TENM4: variants seen among roughly 807,000 people sequenced by gnomAD.
TENM4 encodes teneurin-4.
In TENM4, 82 loss-of-function variants were observed where a neutral mutation model predicts 243.3. The ratio of observed to expected loss-of-function variants is 0.34; its 90% CI spans 0.28 to 0.40. The LOEUF is 0.40. Ranked by LOEUF, TENM4 falls within the 10% of genes least tolerant of loss-of-function variation. The pLI is 1.00. For synonymous variants in TENM4, 1,412 were observed against 1,456.3 expected, an observed-to-expected ratio of 0.97 and a Z score of 0.69; for missense variants, 3,138 against 3,673.3, an observed-to-expected ratio of 0.85 and a Z score of 3.77.
At chr11:79,385,583 T>C (rs191731215) in intron 1 of TENM4, among the ~76,000 whole-genome samples, 2 of 152,350 alleles carry the variant, frequency 1.3e-5, no homozygotes, top group East Asian at 3.9e-4. Flanking sequence ...TTACAAATTA[T>C]GTACCCTCAT....
chr11:79,276,222 A>T (rs530160206), intron 2 of TENM4, among the ~76,000 whole-genome samples: 1 of 152,334 alleles, frequency 6.6e-6, no homozygotes, highest in East Asian at 1.9e-4. Context: ...AAGTATACTT[A>T]TACAGTATGC....
chr11:78,957,583 T>C (rs2136516094), intron 6 of TENM4, among the ~76,000 whole-genome samples: 1 of 152,232 alleles, frequency 6.6e-6, no homozygotes, highest in East Asian at 1.9e-4. Context: ...ACTCCTCCAC[T>C]GGATTGGTAG....
chr11:79,087,358 G>A (rs368277004), intron 4 of TENM4, among the ~76,000 whole-genome samples: 1 of 152,188 alleles, frequency 6.6e-6, no homozygotes, highest in Non-Finnish European at 1.5e-5. Flanking sequence ...AGGGAATGTC[G>A]TTGGATGAAT....
intron 1 of TENM4, among the ~76,000 whole-genome samples, chr11:79,374,917 C>A (rs775497072): frequency 6.6e-6 from 1 of 152,168 alleles, no homozygotes; most frequent in African/African-American, 2.4e-5. Context: ...TTGGCTGCAA[C>A]GACGGGCAAG....
chr11:79,317,331 C>T (rs1336377997), intron 1 of TENM4, among the ~76,000 whole-genome samples: 1 of 152,132 alleles, frequency 6.6e-6, no homozygotes, highest in Non-Finnish European at 1.5e-5. Flanking sequence ...GACACTTTCA[C>T]TTTAATAAAA....
chr11:79,054,743 GC>G (rs1273261959), intron 6 of TENM4, among the ~76,000 whole-genome samples: 1 of 151,994 alleles, frequency 6.6e-6, no homozygotes, highest in Non-Finnish European at 1.5e-5. Flanking sequence ...ATGGTGCTTG[GC>G]CCCCAGTTAC....
At chr11:78,793,468 C>T (rs1008730713) in intron 15 of TENM4, among the ~76,000 whole-genome samples, 6 of 152,100 alleles carry the variant, frequency 3.9e-5, no homozygotes, top group Admixed American at 1.3e-4. Context: ...CCTGAGATTC[C>T]AAGAGTGACC....
intron 6 of TENM4, among the ~76,000 whole-genome samples, chr11:78,955,972 A>G (rs1211328716): frequency 6.6e-6 from 1 of 152,118 alleles, no homozygotes; most frequent in East Asian, 1.9e-4. Context: ...AGAACACTGG[A>G]GTCTGGGGCC....
At chr11:79,368,270 T>G (rs764621747) in intron 1 of TENM4, among the ~76,000 whole-genome samples, 5 of 152,196 alleles carry the variant, frequency 3.3e-5, no homozygotes, top group Non-Finnish European at 5.9e-5. Context: ...TTTAATGAAA[T>G]AAGCCAGCAA....
chr11:79,282,194 C>G (rs1281312666), intron 2 of TENM4, among the ~76,000 whole-genome samples: 1 of 152,230 alleles, frequency 6.6e-6, no homozygotes, highest in East Asian at 1.9e-4. Context: ...TCTCCTTTCT[C>G]TACATTTCTG....
intron 10 of TENM4, among the ~76,000 whole-genome samples, chr11:78,860,169 A>G (rs1056374450): frequency 6.6e-6 from 1 of 152,214 alleles, no homozygotes; most frequent in Non-Finnish European, 1.5e-5. Flanking sequence ...TGGCAGGGAG[A>G]GAATGTTAAT....
At chr11:79,320,593 A>C (rs539909173) in intron 1 of TENM4, among the ~76,000 whole-genome samples, 1 of 152,286 alleles carries the variant, frequency 6.6e-6, no homozygotes, top group African/African-American at 2.4e-5. Flanking sequence ...CACTGCCAGT[A>C]AATGGCAGAG....
intron 2 of TENM4, among the ~76,000 whole-genome samples, chr11:79,272,867 G>A (rs998011140): frequency 2.6e-5 from 4 of 152,040 alleles, no homozygotes; most frequent in African/African-American, 9.7e-5. Context: ...CATCTATATC[G>A]TGTTTACCAC....
chr11:78,951,792 G>T (rs1395990420), intron 6 of TENM4, among the ~76,000 whole-genome samples: 2 of 152,152 alleles, frequency 1.3e-5, no homozygotes, highest in African/African-American at 4.8e-5. Flanking sequence ...ATCACATAGA[G>T]AGTTAGAGCT....
chr11:79,230,847 G>A (rs1445464090), intron 2 of TENM4, among the ~76,000 whole-genome samples: 1 of 152,162 alleles, frequency 6.6e-6, no homozygotes, highest in Non-Finnish European at 1.5e-5. Flanking sequence ...AAAATCAAGT[G>A]TGTAATACAC....
chr11:79,052,557 T>C (rs956724597), intron 6 of TENM4, among the ~76,000 whole-genome samples: 1 of 152,158 alleles, frequency 6.6e-6, no homozygotes, highest in Non-Finnish European at 1.5e-5. Context: ...TAATAAATAG[T>C]GAGCATTACT....
chr11:79,186,102 C>T (rs887259959), intron 3 of TENM4, among the ~76,000 whole-genome samples: 7 of 152,158 alleles, frequency 4.6e-5, no homozygotes, highest in Non-Finnish European at 7.3e-5. Flanking sequence ...GGATTTAAAT[C>T]CAGATCTCTC....
chr11:78,950,303 G>A (rs1476547486), intron 6 of TENM4, among the ~76,000 whole-genome samples: 1 of 152,188 alleles, frequency 6.6e-6, no homozygotes, highest in African/African-American at 2.4e-5. Flanking sequence ...CCATTCAGGG[G>A]CCTCTGGCCA....
At chr11:79,221,329 A>C (rs945198051) in intron 2 of TENM4, among the ~76,000 whole-genome samples, 2 of 130,216 alleles carry the variant, frequency 1.5e-5, no homozygotes, top group African/African-American at 5.3e-5. Flanking sequence ...CACATTCCTG[A>C]GTCCATTTAG....
Sources: gnomAD v4.1 joint callset for allele counts (sites outside exome capture counted in the v4.1 genomes callset) on GRCh38, gnomAD v4.1.1 for gene constraint, MANE v1.5 for transcripts, NCBI Gene and HGNC (gene_info 2026-07-23, HGNC 2026-07-21) for gene names.